DYNLRB2: variants seen among roughly 807,000 people sequenced by gnomAD.
The protein encoded by DYNLRB2 is bithoraxoid-like protein.
In DYNLRB2, 14 loss-of-function variants were observed where a neutral mutation model predicts 12.6. That is an observed-to-expected ratio of 1.11 (90% CI 0.73 to 1.73). The LOEUF (loss-of-function observed/expected upper bound fraction) is 1.73. DYNLRB2 is among the 40% of genes most tolerant of loss of function. DYNLRB2 has a pLI of 0.00. For missense variants in DYNLRB2, 142 were observed against 117.7 expected, an observed-to-expected ratio of 1.21 and a Z score of -0.95; for synonymous variants, 53 against 37.0, an observed-to-expected ratio of 1.43 and a Z score of -1.57.
At chr16:80,549,169 C>A in intron 2 of DYNLRB2, 1 of 362,288 alleles carries the variant, frequency 2.8e-6, no homozygotes. Context: ...GATTATATGT[C>A]CATAAAATAG....
chr16:80,550,600 A>G lies in DYNLRB2; in HGVS notation c.*42A>G. On this transcript the variant is annotated 3_prime_UTR_variant, in exon 4 of 4. Coordinates refer to ENST00000305904, the MANE Select transcript of DYNLRB2 (RefSeq NM_130897.3). ...GCTGTTTAAGCGACACTGGGTTGGA[A>G]ACACTTGGCTCTCTCATGAGTATTA... 6.2e-7 allele frequency: 1 copy of G among 1,607,558 alleles called. No homozygotes were observed. The highest frequency in any genetic ancestry group is 8.5e-7 in the Non-Finnish European group (1 of 1,174,122).
chr16:80,541,002 C>G lies in DYNLRB2; in HGVS notation c.-75C>G. On this transcript the variant is annotated 5_prime_UTR_variant, in exon 1 of 4. Coordinates refer to ENST00000305904, the MANE Select transcript of DYNLRB2 (RefSeq NM_130897.3). ...GGCCACTTCCTTTTTTGTCTCCTAGCAACGGCGGGTAGCGTTGTTGACATC... is the reference window on the plus strand; with the variant it reads ...GGCCACTTCCTTTTTTGTCTCCTAGGAACGGCGGGTAGCGTTGTTGACATC... 3 of 1,574,596 alleles carry G rather than the reference C, an allele frequency of 1.9e-6. No homozygotes were observed. The highest frequency in any genetic ancestry group is 2.3e-5 in the South Asian group (2 of 87,544).
rs201613754 is a variant in DYNLRB2, at chr16:80,541,086, C to A, written c.3+7C>A. The A allele has an allele frequency of 1.1e-5, 18 of 1,606,364 alleles. No homozygotes were observed. In the East Asian group the frequency reaches 3.8e-4, roughly 34 times the overall value. The stretch of plus-strand genomic sequence containing the variant: ...TTTCGCGGCCTCCGCGATGGTAAAT[C>A]TGGGGTCTCCGTCCACGCCCCGCCG... On this transcript the variant is annotated splice_region_variant and intron_variant, in intron 1 of 3. Coordinates refer to ENST00000305904, the MANE Select transcript of DYNLRB2 (RefSeq NM_130897.3).
intron 2 of DYNLRB2, among the ~76,000 whole-genome samples, 165 bp downstream of exon 2, chr16:80,543,516 T>C (rs1197867069): frequency 6.6e-6 from 1 of 152,236 alleles, no homozygotes; most frequent in Non-Finnish European, 1.5e-5. Flanking sequence ...ATCTGTTATA[T>C]GCCAAACACT....
chr16:80,547,203 G>A (rs1355159036), intron 2 of DYNLRB2, among the ~76,000 whole-genome samples: 1 of 152,128 alleles, frequency 6.6e-6, no homozygotes, highest in African/African-American at 2.4e-5. Flanking sequence ...TTTCCAAAGA[G>A]TATTAAATTT....
At chr16:80,543,053 T>A (rs1330599254) in intron 1 of DYNLRB2, among the ~76,000 whole-genome samples, 2 of 152,078 alleles carry the variant, frequency 1.3e-5, no homozygotes, top group Admixed American at 6.5e-5. Context: ...TCTACAAGGG[T>A]TCAAGCCAAG....
chr16:80,541,409 AG>A (rs1361385418), intron 1 of DYNLRB2: 1 of 984,126 alleles, frequency 1.0e-6, no homozygotes, highest in African/African-American at 1.8e-5. Context: ...GTTTCCAAAG[AG>A]GGGGCGGGAG....
intron 2 of DYNLRB2, among the ~76,000 whole-genome samples, chr16:80,544,282 G>C (rs1904325237): frequency 6.6e-6 from 1 of 152,154 alleles, no homozygotes; most frequent in African/African-American, 2.4e-5. Context: ...TGAGTGCTTG[G>C]CATAATACCC....
chr16:80,549,714 T>C, intron 3 of DYNLRB2, 63 bp downstream of exon 3: 1 of 1,476,344 alleles, frequency 6.8e-7, no homozygotes, highest in Non-Finnish European at 9.2e-7. Context: ...AAAAGCCTTG[T>C]TTCTATGAAT....
chr16:80,541,921 C>T (rs1360002777), intron 1 of DYNLRB2, among the ~76,000 whole-genome samples: 1 of 152,204 alleles, frequency 6.6e-6, no homozygotes, highest in Non-Finnish European at 1.5e-5. Context: ...TGCAAACATT[C>T]GTTGCTACAT....
At chr16:80,549,366 G>C (rs1016972213) in intron 2 of DYNLRB2, 118 bp from the exon 3 acceptor site, 9 of 1,026,064 alleles carry the variant, frequency 8.8e-6, no homozygotes, top group East Asian at 2.7e-5. Flanking sequence ...ACCAGAGAGG[G>C]ATAAGCCATC....
chr16:80,541,698 A>G (rs1304580846), intron 1 of DYNLRB2, among the ~76,000 whole-genome samples: 1 of 151,896 alleles, frequency 6.6e-6, no homozygotes, highest in African/African-American at 2.4e-5. Context: ...AGCACTTACA[A>G]ATCATGAGAA....
intron 2 of DYNLRB2, 22 bp from the exon 3 acceptor site, chr16:80,549,462 C>A: frequency 6.4e-7 from 1 of 1,555,562 alleles, no homozygotes; most frequent in Non-Finnish European, 8.7e-7. Context: ...AAAATATTAA[C>A]CAAAATTAAA....
chr16:80,543,810 C>A (rs926554374), intron 2 of DYNLRB2, among the ~76,000 whole-genome samples: 1 of 152,146 alleles, frequency 6.6e-6, no homozygotes, highest in Non-Finnish European at 1.5e-5. Flanking sequence ...TTAACGATAT[C>A]ATTTATAATA....
chr16:80,548,582 C>T (rs560835634), intron 2 of DYNLRB2, among the ~76,000 whole-genome samples: 5 of 152,014 alleles, frequency 3.3e-5, no homozygotes, highest in Middle Eastern at 3.4e-3. Flanking sequence ...ATTAGCCGGG[C>T]GTGGTGGTGG....
At chr16:80,547,793 C>T in intron 2 of DYNLRB2, 1 of 456,612 alleles carries the variant, frequency 2.2e-6, no homozygotes, top group Non-Finnish European at 4.4e-6. Context: ...TGCAAGACAG[C>T]TGACTGCCTT....
At chr16:80,548,569 A>G (rs1904625969) in intron 2 of DYNLRB2, among the ~76,000 whole-genome samples, 3 of 152,080 alleles carry the variant, frequency 2.0e-5, no homozygotes, top group Non-Finnish European at 2.9e-5. Context: ...TAAAAATACA[A>G]CAATTAGCCG....
At chr16:80,541,426 G>C (rs1260421003) in intron 1 of DYNLRB2, 1 of 983,182 alleles carries the variant, frequency 1.0e-6, no homozygotes, top group Non-Finnish European at 1.2e-6. Context: ...GGGAGGCCGA[G>C]ATGGAGAGGA....
intron 2 of DYNLRB2, among the ~76,000 whole-genome samples, chr16:80,546,642 G>T (rs1022647876): frequency 6.6e-6 from 1 of 152,140 alleles, no homozygotes; most frequent in African/African-American, 2.4e-5. Context: ...TTGCAACACT[G>T]ATCATTGAAT....
Sources: gnomAD v4.1 joint callset for allele counts (sites outside exome capture counted in the v4.1 genomes callset) on GRCh38, gnomAD v4.1.1 for gene constraint, MANE v1.5 for transcripts, NCBI Gene and HGNC (gene_info 2026-07-23, HGNC 2026-07-21) for gene names.